KCNK12: variants seen among roughly 807,000 people sequenced by gnomAD.
The protein encoded by KCNK12 is potassium channel subfamily K member 12.
KCNK12 carries 6 observed loss-of-function variants against 25.3 expected under a neutral mutation model. The ratio of observed to expected loss-of-function variants is 0.24; its 90% CI spans 0.13 to 0.47. KCNK12 has a LOEUF of 0.47. Ranked by LOEUF, KCNK12 falls within the 20% of genes least tolerant of loss-of-function variation. The pLI is 0.99. For missense variants in KCNK12, 444 were observed against 661.7 expected, an observed-to-expected ratio of 0.67 and a Z score of 3.61; for synonymous variants, 331 against 311.1, an observed-to-expected ratio of 1.06 and a Z score of -0.67.
At chr2:47,536,394 A>G (rs1220077066) in intron 1 of KCNK12, among the ~76,000 whole-genome samples, 1 of 152,078 alleles carries the variant, frequency 6.6e-6, no homozygotes, top group Non-Finnish European at 1.5e-5. Context: ...ACTTCTTGCC[A>G]CCCTCCAGAA....
rs1244216403 is a variant in KCNK12, at chr2:47,517,361, T to C, written c.*3546A>G. 6.6e-6 allele frequency: 1 copy of C among 152,112 alleles called. No individual in the cohort carries two copies. Among genetic ancestry groups the C allele is most frequent in the African/African-American group, 2.4e-5 (1 of 41,412 alleles). The allele number at this position is 152,112 out of a possible 1,614,324, so 9.4% of individuals were successfully genotyped here. On this transcript the variant is annotated 3_prime_UTR_variant, in exon 2 of 2. Coordinates refer to ENST00000327876, the MANE Select transcript of KCNK12 (RefSeq NM_022055.2). This position sits in a 1 kb window ranked among gnomAD's most constrained non-coding sequence, Gnocchi z 4.1. ...GGATCCTGGGTCAATTTAGCAGCTA[T>C]TTTCCAGGGTTTGGCTTGGGTTTGG...
rs559835973 is a variant in KCNK12, at chr2:47,538,888, T to C, written c.392-17080A>G. Among the ~76,000 whole-genome samples the C allele has an allele frequency of 6.6e-6, 1 of 152,342 alleles. No individual in the cohort carries two copies. Among genetic ancestry groups the C allele is most frequent in the Admixed American group, 6.5e-5 (1 of 15,310 alleles). ...TTGATTTTAATGTGAGGGAGAAACA[T>C]AAACTAGTAGTTTTACAAAAAGAAA... On this transcript the variant is annotated intron_variant, in intron 1 of 1. Coordinates refer to ENST00000327876, the MANE Select transcript of KCNK12 (RefSeq NM_022055.2). The surrounding 1 kb of genome is among the most constrained non-coding windows in gnomAD (Gnocchi z 4.5).
Position 47,566,720 on chromosome 2 carries a change from T to G in KCNK12, c.391+3221A>C, listed in dbSNP as rs546133115. The G allele has an allele frequency of 1.3e-5, 2 of 152,272 alleles. No individual in the cohort carries two copies. Among genetic ancestry groups the G allele is most frequent in the Admixed American group, 1.3e-4 (2 of 15,288 alleles). The allele number at this position is 152,272 out of a possible 1,614,324, so 9.4% of individuals were successfully genotyped here. A position where few individuals can be genotyped will look rare whatever the true frequency, so the allele number is the denominator to read the frequency against. ...TGGTTACACACACATACACTCTCTC[T>G]CACACTCAGACAGACAGACATTATT... is the stretch of plus-strand genomic sequence containing the variant. On this transcript the variant is annotated intron_variant, in intron 1 of 1. Transcript: ENST00000327876. The surrounding 1 kb of genome is among the most constrained non-coding windows in gnomAD (Gnocchi z 4.1).
intron 1 of KCNK12, among the ~76,000 whole-genome samples, chr2:47,568,951 C>T (rs909697879): frequency 6.6e-6 from 1 of 151,834 alleles, no homozygotes; most frequent in African/African-American, 2.4e-5. Context: ...ACATGACACC[C>T]AGGGCCCAGG....
At position 47,569,035 on chromosome 2, in the gene KCNK12, G is replaced by A. The variant is rs1426490997; in HGVS notation, c.391+906C>T. On this transcript the variant is annotated intron_variant, in intron 1 of 1. Transcript: ENST00000327876. The surrounding 1 kb of genome is among the most constrained non-coding windows in gnomAD (Gnocchi z 4.1). ...ATGAAGGGGTGGATGGAGAGCAGGG[G>A]TGGCTCCAGAATTTCTCCACAGGAG... Among the ~76,000 whole-genome samples, 1 of 151,990 alleles carries A rather than the reference G, an allele frequency of 6.6e-6. No individual in the cohort carries two copies. Among genetic ancestry groups the A allele is most frequent in the Non-Finnish European group, 1.5e-5 (1 of 68,016 alleles).
intron 1 of KCNK12, among the ~76,000 whole-genome samples, chr2:47,524,096 C>A (rs910180896): frequency 2.0e-5 from 3 of 152,004 alleles, no homozygotes; most frequent in African/African-American, 7.3e-5. Flanking sequence ...TATGATGTTA[C>A]CCATGTTGAG....
rs1669858078 is a variant in KCNK12, at chr2:47,570,064, G to C, written c.268C>G (p.Leu90Val). The change falls in exon 1 of 2, where the codon CTG becomes GTG. Residue 90 changes from leucine to valine, a missense_variant. This residue lies in a region of KCNK12 where 106 missense variants were observed against 142.2 expected (regional missense o/e 0.75). Transcript: ENST00000327876. ...TCGTAGTGCCGGAGGAAGGCGCGCAGCTCTGGCTCGGCCACGCCGTGCGCA... is the reference window on the plus strand; with the variant it reads ...TCGTAGTGCCGGAGGAAGGCGCGCACCTCTGGCTCGGCCACGCCGTGCGCA... The part of the protein sequence containing the change: ...SAAHGVAEPE[L>V]RAFLRHYEAA... 4.3e-6 allele frequency: 6 copies of C among 1,402,858 alleles called. No homozygotes were observed. Among genetic ancestry groups the C allele is most frequent in the Non-Finnish European group, 5.6e-6 (6 of 1,079,690 alleles). 86.9% of individuals were successfully genotyped at this position (1,402,858 alleles called of 1,614,324 possible). A position where few individuals can be genotyped will look rare whatever the true frequency, so the allele number is the denominator to read the frequency against.
At position 47,540,973 on chromosome 2, in the gene KCNK12, T is replaced by G. The variant is rs1669185864; in HGVS notation, c.392-19165A>C. 6.6e-6 allele frequency among the ~76,000 whole-genome samples: 1 copy of G among 152,176 alleles called. No homozygotes were observed. On this transcript the variant is annotated intron_variant, in intron 1 of 1. Transcript: ENST00000327876. The surrounding 1 kb of genome is among the most constrained non-coding windows in gnomAD (Gnocchi z 5.4). ...TACATAAATCAGTAAGATCCATCTG[T>G]GCAATTCCTTCCTCCTAGAATTCAG...
At chr2:47,531,131 A>G (rs1029983544) in intron 1 of KCNK12, among the ~76,000 whole-genome samples, 8 of 152,182 alleles carry the variant, frequency 5.3e-5, no homozygotes, top group African/African-American at 1.9e-4. Context: ...TCCTGGTGGA[A>G]TGATTAGGAA....
In KCNK12 at chr2:47,555,442, T is replaced by G. The variant is rs1209802156; in HGVS notation, c.391+14499A>C. Among the ~76,000 whole-genome samples, 2 of 152,348 alleles carry G rather than the reference T, an allele frequency of 1.3e-5. No homozygotes were observed. The highest frequency in any genetic ancestry group is 1.9e-4 in the East Asian group (1 of 5,186). ...TGTCACTCTAGAGATTTTACAAGAT[T>G]GAGTCTGCATAACAAACCTTACTAA... is the stretch of plus-strand genomic sequence containing the variant. On this transcript the variant is annotated intron_variant, in intron 1 of 1. Transcript: ENST00000327876. This position sits in a 1 kb window ranked among gnomAD's most constrained non-coding sequence, Gnocchi z 4.5.
chr2:47,518,931 G>C lies in KCNK12; in HGVS notation c.*1976C>G, dbSNP rs1668584957. 6.6e-6 allele frequency: 1 copy of C among 152,260 alleles called. No individual in the cohort carries two copies. Among genetic ancestry groups the C allele is most frequent in the African/African-American group, 2.4e-5 (1 of 41,466 alleles). 9.4% of individuals were successfully genotyped at this position (152,260 alleles called of 1,614,324 possible). A position where few individuals can be genotyped will look rare whatever the true frequency, so the allele number is the denominator to read the frequency against. On this transcript the variant is annotated 3_prime_UTR_variant, in exon 2 of 2. Coordinates refer to ENST00000327876, the MANE Select transcript of KCNK12 (RefSeq NM_022055.2). This position sits in a 1 kb window ranked among gnomAD's most constrained non-coding sequence, Gnocchi z 4.1. ...TTTCCAGGTCCTGTCAGAGGGCCCT[G>C]CCCTAGAGAACACGTGCGCCCCTGC... is the stretch of plus-strand genomic sequence containing the variant.
At chr2:47,523,169 T>C (rs1668698298) in intron 1 of KCNK12, among the ~76,000 whole-genome samples, 2 of 152,232 alleles carry the variant, frequency 1.3e-5, no homozygotes, top group Non-Finnish European at 2.9e-5. Flanking sequence ...AAGCATTCCA[T>C]AGGGCTTTGC....
rs1668504591 is a variant in KCNK12 at position 47,515,497 on chromosome 2, A to G, written c.*5410T>C. Among the ~76,000 whole-genome samples the G allele has an allele frequency of 6.6e-6, 1 of 152,226 alleles. No individual in the cohort carries two copies. The highest frequency in any genetic ancestry group is 1.5e-5 in the Non-Finnish European group (1 of 68,040). ...ACAAAACAAAACAATACCAGAATGG[A>G]AAATAGTGCATGATCTGTACAGTAT... On this transcript the variant is annotated 3_prime_UTR_variant, in exon 2 of 2. Coordinates refer to ENST00000327876, the MANE Select transcript of KCNK12 (RefSeq NM_022055.2).
chr2:47,561,342 G>T (rs1166809715), intron 1 of KCNK12, among the ~76,000 whole-genome samples: 1 of 152,208 alleles, frequency 6.6e-6, no homozygotes, highest in African/African-American at 2.4e-5. Flanking sequence ...AGAGCACTGC[G>T]CCTATGAGGG....
At chr2:47,553,555 G>C (rs1669484628) in intron 1 of KCNK12, among the ~76,000 whole-genome samples, 1 of 152,172 alleles carries the variant, frequency 6.6e-6, no homozygotes, top group Non-Finnish European at 1.5e-5. Context: ...CAATTATCTG[G>C]TTGTTTGAAG....
rs1246734169 is a variant in KCNK12, at chr2:47,528,057, C to T, written c.392-6249G>A. Among the ~76,000 whole-genome samples, 1 of 152,166 alleles carries T rather than the reference C, an allele frequency of 6.6e-6. No homozygotes were observed. Among genetic ancestry groups the T allele is most frequent in the Non-Finnish European group, 1.5e-5 (1 of 68,026 alleles). On this transcript the variant is annotated intron_variant, in intron 1 of 1. Transcript: ENST00000327876. This position sits in a 1 kb window ranked among gnomAD's most constrained non-coding sequence, Gnocchi z 4.5. The stretch of plus-strand genomic sequence containing the variant: ...GCATATAGTCTGGGCCAGAACTTGT[C>T]CTGGGGTCTTCTTACGGCCCTGGTT...
chr2:47,516,437 T>A lies in KCNK12; in HGVS notation c.*4470A>T, dbSNP rs1180391380. 2.0e-5 allele frequency: 3 copies of A among 152,132 alleles called. No homozygotes were observed. The highest frequency in any genetic ancestry group is 4.1e-4 in the South Asian group (2 of 4,834). The allele number at this position is 152,132 out of a possible 1,614,324, so 9.4% of individuals were successfully genotyped here. A position where few individuals can be genotyped will look rare whatever the true frequency, so the allele number is the denominator to read the frequency against. On this transcript the variant is annotated 3_prime_UTR_variant, in exon 2 of 2. Transcript: ENST00000327876. ...GCCCTGGGCTCTGTTTCACTGTTGT[T>A]TTGTAGAGCAACTTCCCAGTGATGC...
At chr2:47,536,388 C>T (rs1669067421) in intron 1 of KCNK12, among the ~76,000 whole-genome samples, 1 of 152,216 alleles carries the variant, frequency 6.6e-6, no homozygotes, top group South Asian at 2.1e-4. Context: ...TCTTGGACTT[C>T]TTGCCACCCT....
At chr2:47,545,644 A>G (rs1669296837) in intron 1 of KCNK12, among the ~76,000 whole-genome samples, 1 of 152,204 alleles carries the variant, frequency 6.6e-6, no homozygotes, top group African/African-American at 2.4e-5. Flanking sequence ...TGATCTGAGA[A>G]AGCCATTGAG....
Sources: allele counts gnomAD v4.1 joint callset (sites outside exome capture counted in the v4.1 genomes callset), GRCh38; gene constraint gnomAD v4.1.1; regional missense constraint gnomAD v4.1.1; non-coding constraint Gnocchi (gnomAD v3.1); transcripts MANE v1.5; gene names NCBI Gene and HGNC (gene_info 2026-07-23, HGNC 2026-07-21).